The following ITPK1 variants were observed in gnomAD, a reference collection of about 807,000 sequenced individuals.
ITPK1 encodes inositol-tetrakisphosphate 1-kinase.
A neutral mutation model predicts 45.3 loss-of-function variants in ITPK1; 21 were observed. The observed-to-expected ratio is 0.46, with a 90% CI of 0.33 to 0.67. The LOEUF is 0.67. ITPK1 is among the 30% of genes least tolerant of loss of function. ITPK1 has a pLI of 0.02. For synonymous variants in ITPK1, 258 were observed against 253.6 expected, an observed-to-expected ratio of 1.02 and a Z score of -0.16; for missense variants, 474 against 573.5, an observed-to-expected ratio of 0.83 and a Z score of 1.77.
In ITPK1 at chr14:92,958,874, C is replaced by A. The variant is rs777582480; in HGVS notation, c.505-508G>T. Among the ~76,000 whole-genome samples the A allele has an allele frequency of 6.6e-6, 1 of 152,186 alleles. No individual in the cohort carries two copies. The highest frequency in any genetic ancestry group is 2.4e-5 in the African/African-American group (1 of 41,440). On this transcript the variant is annotated intron_variant, in intron 7 of 10. Coordinates refer to ENST00000267615, the MANE Select transcript of ITPK1 (RefSeq NM_014216.6). This position sits in a 1 kb window ranked among gnomAD's most constrained non-coding sequence, Gnocchi z 4.4. ...CGGGCCCTGTTCTGAGCACGTACAC[C>A]AGTTACCTAGTGTCTCCCTCACAAT... is the stretch of plus-strand genomic sequence containing the variant.
chr14:93,016,913 T>C lies in ITPK1; in HGVS notation c.121-112A>G, dbSNP rs1442478146. 2 of 1,420,328 alleles carry C rather than the reference T, an allele frequency of 1.4e-6. No individual in the cohort carries two copies. The highest frequency in any genetic ancestry group is 1.9e-6 in the Non-Finnish European group (2 of 1,044,708). The allele number at this position is 1,420,328 out of a possible 1,614,324, so 88.0% of individuals were successfully genotyped here. A position where few individuals can be genotyped will look rare whatever the true frequency, so the allele number is the denominator to read the frequency against. ...ACCAGAGGACCCTCGAGCCTCCCTG[T>C]AGCACTCTGGAGATGGGGCAGGAGG... On this transcript the variant is annotated intron_variant, in intron 3 of 10. Coordinates refer to ENST00000267615, the MANE Select transcript of ITPK1 (RefSeq NM_014216.6). The surrounding 1 kb of genome is among the most constrained non-coding windows in gnomAD (Gnocchi z 5.0).
chr14:93,100,522 G>A (rs369958008), intron 2 of ITPK1, among the ~76,000 whole-genome samples: 68 of 151,364 alleles, frequency 4.5e-4, no homozygotes, highest in African/African-American at 1.6e-3. Flanking sequence ...GGAGGGGGCC[G>A]GGGGGAGAGA....
At chr14:92,979,977 T>C (rs1043197271) in intron 5 of ITPK1, among the ~76,000 whole-genome samples, 2 of 152,018 alleles carry the variant, frequency 1.3e-5, no homozygotes, top group Admixed American at 6.6e-5. Context: ...GACGGGGTTT[T>C]CCCATGTTGG....
At chr14:92,943,315 C>T (rs1887525015) in intron 10 of ITPK1, among the ~76,000 whole-genome samples, 1 of 152,226 alleles carries the variant, frequency 6.6e-6, no homozygotes, top group Admixed American at 6.5e-5. Flanking sequence ...CGGTCCTCAG[C>T]CCACCGCACC....
At chr14:93,111,664 T>C (rs1566792086) in intron 2 of ITPK1, among the ~76,000 whole-genome samples, 1 of 148,614 alleles carries the variant, frequency 6.7e-6, no homozygotes, top group African/African-American at 2.5e-5. Flanking sequence ...TGAGCCGAGA[T>C]TGCGCCACTG....
Position 92,941,529 on chromosome 14 carries a change from C to T in ITPK1, c.*32G>A, listed in dbSNP as rs1408706736. 2 of 1,506,360 alleles carry T rather than the reference C, an allele frequency of 1.3e-6. No homozygotes were observed. The highest frequency in any genetic ancestry group is 2.4e-5 in the Admixed American group (1 of 40,890). The allele number at this position is 1,506,360 out of a possible 1,614,324, so 93.3% of individuals were successfully genotyped here. On this transcript the variant is annotated 3_prime_UTR_variant, in exon 11 of 11. Coordinates refer to ENST00000267615, the MANE Select transcript of ITPK1 (RefSeq NM_014216.6). ...TGGCCCAGCGGGTGTGCTCTGCGCC[C>T]TGCGCTGCCCCTCTGGGTCCCGGCT...
rs558308297 is a variant in ITPK1, at chr14:92,962,847, C to A, written c.367G>T (p.Asp123Tyr). ...IRKIEAYMEDDRICSPPFMEL... is the reference protein window; with the variant it reads ...IRKIEAYMEDYRICSPPFMEL... ...ATGAAGGGTGGCGAGCAGATCCTGT[C>A]GTCTAGGGCAGAAGGGAGGCCTGGT... is the stretch of plus-strand genomic sequence containing the variant. The change falls in exon 6 of 11, where the codon GAC becomes TAC. Residue 123 changes from aspartate to tyrosine, a missense_variant and splice_region_variant. By Grantham distance (160) the Asp-to-Tyr change is radical. Around this residue, in one of 2 missense-constraint regions of ITPK1, gnomAD observed 367 missense variants for 480.6 expected, o/e 0.76. Transcript: ENST00000267615. 33 of 1,610,950 alleles carry A rather than the reference C, an allele frequency of 2.0e-5. No homozygotes were observed. Among genetic ancestry groups the A allele is most frequent in the Non-Finnish European group, 2.8e-5 (33 of 1,177,832 alleles).
chr14:92,979,085 G>A (rs1886090677), intron 5 of ITPK1, among the ~76,000 whole-genome samples: 1 of 152,242 alleles, frequency 6.6e-6, no homozygotes, highest in Non-Finnish European at 1.5e-5. Flanking sequence ...CTTTGCATCA[G>A]TGTGGCCTGG....
At chr14:93,031,696 C>A (rs1326325865) in intron 3 of ITPK1, among the ~76,000 whole-genome samples, 1 of 152,156 alleles carries the variant, frequency 6.6e-6, no homozygotes, top group Non-Finnish European at 1.5e-5. Flanking sequence ...AAGTGCCCAT[C>A]CCCAAGTGGG....
intron 8 of ITPK1, among the ~76,000 whole-genome samples, chr14:92,955,539 G>T (rs1884666390): frequency 6.6e-6 from 1 of 152,238 alleles, no homozygotes; most frequent in African/African-American, 2.4e-5. Context: ...CTCTGTGAAT[G>T]CGAACCACAG....
At chr14:93,009,486 C>A (rs1458155672) in intron 4 of ITPK1, among the ~76,000 whole-genome samples, 1 of 152,188 alleles carries the variant, frequency 6.6e-6, no homozygotes, top group East Asian at 1.9e-4. Flanking sequence ...GGGGACCAGG[C>A]TTGCTTTCCA....
At chr14:93,100,542 G>C (rs1160676629) in intron 2 of ITPK1, among the ~76,000 whole-genome samples, 30 of 148,362 alleles carry the variant, frequency 2.0e-4, no homozygotes, top group African/African-American at 7.4e-4. Flanking sequence ...AGGAGGGAGA[G>C]AGAGAGAGAG....
intron 4 of ITPK1, among the ~76,000 whole-genome samples, chr14:93,008,694 G>C (rs1441135040): frequency 1.3e-5 from 2 of 152,230 alleles, no homozygotes; most frequent in Non-Finnish European, 2.9e-5. Flanking sequence ...ATTACATGAA[G>C]ACAAAGGCAG....
chr14:93,058,972 T>G (rs1248499685), intron 3 of ITPK1, among the ~76,000 whole-genome samples: 1 of 2,818 alleles, frequency 3.5e-4, no homozygotes, highest in Non-Finnish European at 6.3e-4. Context: ...AAGGCAGGGG[T>G]GGAGGGGGTG....
chr14:93,026,610 C>A (rs1013832616), intron 3 of ITPK1, among the ~76,000 whole-genome samples: 1 of 152,214 alleles, frequency 6.6e-6, no homozygotes, highest in Admixed American at 6.5e-5. Context: ...AGGAGTCTCA[C>A]TTCCAGGAGC....
chr14:92,941,768 C>T lies in ITPK1; in HGVS notation c.1038G>A (p.Ala346=), dbSNP rs747232211. The T allele has an allele frequency of 9.8e-5, 157 of 1,606,410 alleles. No individual in the cohort carries two copies. The highest frequency in any genetic ancestry group is 1.3e-4 in the East Asian group (6 of 44,662). ...ATGTCCGCTCGCCCACCAGGCCGCC[C>T]GCCGGCTCGGCCAGAAGCTTGCTGT... ...LRHSKLLAEP[A]GGLVGERTCS... The change falls in exon 11 of 11, where the codon GCG becomes GCA. Residue 346 remains alanine, a synonymous_variant. Transcript: ENST00000267615.
chr14:93,000,950 T>C (rs1887312065), intron 4 of ITPK1, among the ~76,000 whole-genome samples: 1 of 120,662 alleles, frequency 8.3e-6, no homozygotes, highest in Admixed American at 1.0e-4. Context: ...CACTCCAGCC[T>C]GAGAGATAAA....
At chr14:93,044,964 A>T (rs1052173120) in intron 3 of ITPK1, among the ~76,000 whole-genome samples, 2 of 152,250 alleles carry the variant, frequency 1.3e-5, no homozygotes, top group Non-Finnish European at 2.9e-5. Context: ...GGCAGGCCCC[A>T]GGGCTCTAGG....
rs1381440937 is a variant in ITPK1 at position 93,012,499 on chromosome 14, C to A, written c.246+4177G>T. On this transcript the variant is annotated intron_variant, in intron 4 of 10. Coordinates refer to ENST00000267615, the MANE Select transcript of ITPK1 (RefSeq NM_014216.6). The surrounding 1 kb of genome is among the most constrained non-coding windows in gnomAD (Gnocchi z 4.9). Reference sequence around the variant, plus strand: ...AGGCCCCATGGGTCAAGCTGGCAATCATGGCCTTCAGTGTCACAGCAATAA... The same window carrying A: ...AGGCCCCATGGGTCAAGCTGGCAATAATGGCCTTCAGTGTCACAGCAATAA... Among the ~76,000 whole-genome samples, 1 of 152,182 alleles carries A rather than the reference C, an allele frequency of 6.6e-6. No homozygotes were observed. The highest frequency in any genetic ancestry group is 1.5e-5 in the Non-Finnish European group (1 of 68,030).
Sources: allele counts gnomAD v4.1 joint callset (sites outside exome capture counted in the v4.1 genomes callset), GRCh38; gene constraint gnomAD v4.1.1; regional missense constraint gnomAD v4.1.1; non-coding constraint Gnocchi (gnomAD v3.1); transcripts MANE v1.5; gene names NCBI Gene and HGNC (gene_info 2026-07-23, HGNC 2026-07-21).